TCF25: variants seen among roughly 807,000 people sequenced by gnomAD.
TCF25 encodes the protein TCF25 ribosome quality control complex subunit, also known as ribosome quality control complex subunit TCF25.
In TCF25, 41 loss-of-function variants were observed where a neutral mutation model predicts 83.1. That is an observed-to-expected ratio of 0.49 (90% CI 0.38 to 0.64). TCF25 has a LOEUF of 0.64. Among genes scored for constraint, TCF25 ranks in the 30% least tolerant of loss-of-function variants. The pLI is 0.00. For missense variants in TCF25, 979 were observed against 914.5 expected, an observed-to-expected ratio of 1.07 and a Z score of -0.91; for synonymous variants, 458 against 365.0, an observed-to-expected ratio of 1.25 and a Z score of -2.90.
In TCF25 at chr16:89,893,844, C is replaced by T; in HGVS notation, c.814C>T (p.Pro272Ser). 1 of 1,607,654 alleles carries T rather than the reference C, an allele frequency of 6.2e-7. No individual in the cohort carries two copies. The highest frequency in any genetic ancestry group is 8.5e-7 in the Non-Finnish European group (1 of 1,177,282). Residue 272 changes from proline to serine, a missense_variant, in exon 7 of 18, where the codon CCG becomes TCG. By Grantham distance (74) the Pro-to-Ser change is moderately conservative. Transcript: ENST00000263346. ...CCTGGTGGCCGTGGAGTCTATGGAG[C>T]CGAACAACATCGTGGTGCGTGGTCC... ...KFLVAVESME[P>S]NNIVVLLQTS...
At position 89,907,245 on chromosome 16, in the gene TCF25, C is replaced by T. The variant is rs372326380; in HGVS notation, c.1722C>T (p.Asp574=). 1.2e-5 allele frequency: 19 copies of T among 1,612,660 alleles called. No homozygotes were observed. The highest frequency in any genetic ancestry group is 5.5e-5 in the South Asian group (5 of 91,084). The change falls in exon 16 of 18, where the codon GAC becomes GAT. Residue 574 remains aspartate, a splice_region_variant and synonymous_variant. Transcript: ENST00000263346. ...TCGTTTTATGTCCCTTTCTGAAGGA[C>T]GTGACCACGCAGTCTGTGATGGGGT... The part of the protein sequence containing the change: ...IKEAVAALPP[D]VTTQSVMGFD...
In TCF25 at chr16:89,898,867, T is replaced by C. The variant is rs1237662951; in HGVS notation, c.1216T>C (p.Trp406Arg). ...YEYLIRLFQE[W>R]EAHRNLSQLP... ...GTACCTGATCCGCCTCTTCCAGGAG[T>C]GGGAGGTGGGTGCGAGCCTGGTGAG... The change falls in exon 11 of 18, where the codon TGG (tryptophan) becomes CGG (arginine). Residue 406 changes from tryptophan (W) to arginine (R), a missense_variant. Physicochemically the swap from Trp to Arg is moderately radical, Grantham distance 101. Transcript: ENST00000263346. 2 of 1,613,038 alleles carry C rather than the reference T, an allele frequency of 1.2e-6. No homozygotes were observed. Among genetic ancestry groups the C allele is most frequent in the African/African-American group, 2.7e-5 (2 of 74,690 alleles).
intron 3 of TCF25, 49 bp downstream of exon 3, chr16:89,884,705 T>A (rs2042851971): frequency 1.3e-6 from 2 of 1,556,236 alleles, no homozygotes; most frequent in East Asian, 4.8e-5. Flanking sequence ...CTGACGCCCC[T>A]CTCCCTCTGC....
chr16:89,873,856 G>C lies in TCF25; in HGVS notation c.189G>C (p.Glu63Asp), dbSNP rs1405242702. 6.5e-7 allele frequency: 1 copy of C among 1,544,916 alleles called. No individual in the cohort carries two copies. Among genetic ancestry groups the C allele is most frequent in the South Asian group, 1.2e-5 (1 of 84,102 alleles). Residue 63 changes from glutamate (E) to aspartate (D), a missense_variant, in exon 1 of 18, where the codon GAG (glutamate) becomes GAC (aspartate). By Grantham distance (45) the Glu-to-Asp change is conservative (BLOSUM62 2). Transcript: ENST00000263346. ...KEGVRVNNRF[E>D]LINIDDLEDD... ...GCGTCCGAGTCAACAACCGCTTCGA[G>C]CTGGTGAGGAGCGCGGCGGCCCGGG...
At chr16:89,902,545 C>G (rs113298542) in intron 12 of TCF25, among the ~76,000 whole-genome samples, 6,239 of 147,132 alleles carry the variant, frequency 0.042, 475 homozygotes, top group African/African-American at 0.15. Context: ...AAAAATTAGC[C>G]GGGCGTGTTG....
rs557225378 is a variant in TCF25 at position 89,908,235 on chromosome 16, TTCCCACCTCCCAGC to T, written c.1799+932_1799+945del. The stretch of plus-strand genomic sequence containing the variant: ...TCCAACCCCGCCTCCCTCCTCTCAG[TTCCCACCTCCCAGC>T]TCCCACCTCCCAGCTCCCTCTTCCC... On this transcript the variant is annotated intron_variant, in intron 16 of 17. Coordinates refer to ENST00000263346, the MANE Select transcript of TCF25 (RefSeq NM_014972.3). 5.8e-3 allele frequency among the ~76,000 whole-genome samples: 278 copies of T among 47,626 alleles called. 1 individual carries two copies. The highest frequency in any genetic ancestry group is 0.019 in the African/African-American group (188 of 10,154). The allele number at this position is 47,626 out of a possible 152,430, so 31.2% of individuals were successfully genotyped here.
intron 2 of TCF25, 55 bp from the exon 3 acceptor site, chr16:89,884,527 C>A: frequency 6.3e-7 from 1 of 1,584,922 alleles, no homozygotes; most frequent in Non-Finnish European, 8.6e-7. Context: ...CTTTAATTCT[C>A]ACTTCTTAAG....
At chr16:89,909,177 C>G in intron 16 of TCF25, 5 of 1,264,114 alleles carry the variant, frequency 4.0e-6, no homozygotes, top group Non-Finnish European at 5.2e-6. Context: ...AAAACTGCAC[C>G]AGCCTGGCCA....
At chr16:89,894,367 G>A (rs1229199890) in intron 7 of TCF25, among the ~76,000 whole-genome samples, 5 of 148,926 alleles carry the variant, frequency 3.4e-5, no homozygotes, top group South Asian at 2.1e-4. Flanking sequence ...AGCCCCGGAC[G>A]GCCCCCGCGC....
chr16:89,909,004 C>G (rs867852906), intron 16 of TCF25: 1 of 1,289,378 alleles, frequency 7.8e-7, no homozygotes, highest in Admixed American at 2.3e-5. Context: ...ATTTGGGGGT[C>G]ACAGCTCTGC....
chr16:89,901,477 G>A (rs1220428667), intron 12 of TCF25, among the ~76,000 whole-genome samples: 5 of 146,324 alleles, frequency 3.4e-5, no homozygotes, highest in African/African-American at 1.0e-4. Flanking sequence ...CGGGCGCGGT[G>A]GCTCACGCCT....
chr16:89,885,850 A>G lies in TCF25; in HGVS notation c.432A>G (p.Glu144=). ...AGAGGTTGTTTTGGGGCTTTTAGGA[A>G]AACGGACTAGAAGATATCGATCGCA... is the stretch of plus-strand genomic sequence containing the variant. ...NKKSSTGEAS[E]NGLEDIDRIL... is the part of the protein sequence containing the mutation. The change falls in exon 4 of 18, where the codon GAA becomes GAG. Residue 144 remains glutamate (E), a splice_region_variant and synonymous_variant. Transcript: ENST00000263346. 6.2e-7 allele frequency: 1 copy of G among 1,603,712 alleles called. No homozygotes were observed. Among genetic ancestry groups the G allele is most frequent in the Non-Finnish European group, 8.5e-7 (1 of 1,171,070 alleles).
chr16:89,891,076 G>GC (rs896549362), intron 5 of TCF25, among the ~76,000 whole-genome samples: 1 of 152,008 alleles, frequency 6.6e-6, no homozygotes, highest in African/African-American at 2.4e-5. Context: ...TCAGCTCATC[G>GC]CCCCCGCACT....
chr16:89,904,356 G>T, intron 13 of TCF25, 151 bp downstream of exon 13: 1 of 822,182 alleles, frequency 1.2e-6, no homozygotes, highest in South Asian at 1.7e-5. Flanking sequence ...TTTGACATGG[G>T]ACGGCTCTGG....
intron 1 of TCF25, among the ~76,000 whole-genome samples, chr16:89,881,026 G>A (rs995476760): frequency 6.6e-6 from 1 of 152,124 alleles, no homozygotes; most frequent in Non-Finnish European, 1.5e-5. Context: ...TCAAGTTAGG[G>A]GCTCTGTTTA....
At chr16:89,882,043 A>T (rs767171090) in intron 1 of TCF25, among the ~76,000 whole-genome samples, 12 of 152,030 alleles carry the variant, frequency 7.9e-5, no homozygotes, top group Non-Finnish European at 1.8e-4. Context: ...GTGCACCGCC[A>T]CCGTGCCCGG....
intron 7 of TCF25, 170 bp downstream of exon 7, chr16:89,894,028 GT>G (rs1195247089): frequency 1.5e-5 from 15 of 968,816 alleles, no homozygotes; most frequent in Non-Finnish European, 2.2e-5. Flanking sequence ...AAGGAGATGT[GT>G]TCGGAGGCTC....
At chr16:89,875,869 G>A (rs573326305) in intron 1 of TCF25, among the ~76,000 whole-genome samples, 2 of 124,768 alleles carry the variant, frequency 1.6e-5, no homozygotes, top group Non-Finnish European at 3.2e-5. Flanking sequence ...AGGGTCTCAC[G>A]GTGTTGCCCA....
At chr16:89,880,161 C>G (rs2042504058) in intron 1 of TCF25, among the ~76,000 whole-genome samples, 1 of 130,514 alleles carries the variant, frequency 7.7e-6, no homozygotes, top group Non-Finnish European at 1.8e-5. Context: ...ATCACGCGTG[C>G]TGTCCGTGTA....
Sources: allele counts gnomAD v4.1 joint callset (sites outside exome capture counted in the v4.1 genomes callset), GRCh38; gene constraint gnomAD v4.1.1; transcripts MANE v1.5; gene names NCBI Gene and HGNC (gene_info 2026-07-23, HGNC 2026-07-21).